GLIS3: variants seen among roughly 807,000 people sequenced by gnomAD.
GLIS3 encodes the protein GLIS family zinc finger 3, also known as zinc finger protein GLIS3.
A neutral mutation model predicts 78.6 loss-of-function variants in GLIS3; 53 were observed. That is an observed-to-expected ratio of 0.67 (90% CI 0.54 to 0.85). The LOEUF is 0.85. Ranked by LOEUF, GLIS3 falls within the 40% of genes least tolerant of loss-of-function variation. The pLI, the probability that GLIS3 is intolerant of heterozygous loss-of-function variation, is 0.00. For synonymous variants in GLIS3, 684 were observed against 509.9 expected (o/e 1.34, Z -4.60); for missense variants, 1,703 against 1,231.1 (o/e 1.38, Z -5.74).
At chr9:4,167,631 T>C (rs1815984215) in intron 2 of GLIS3, among the ~76,000 whole-genome samples, 1 of 152,172 alleles carries the variant, frequency 6.6e-6, no homozygotes, top group Admixed American at 6.5e-5. Flanking sequence ...ATTAGAAAGA[T>C]TAAAAAACTT....
chr9:4,025,978 G>A (rs1167231907), intron 4 of GLIS3, among the ~76,000 whole-genome samples: 2 of 152,134 alleles, frequency 1.3e-5, no homozygotes, highest in Non-Finnish European at 2.9e-5. Flanking sequence ...AATGCTACAG[G>A]TAATGTTTAA....
At chr9:3,860,612 G>C (rs1820150809) in intron 8 of GLIS3, among the ~76,000 whole-genome samples, 1 of 152,184 alleles carries the variant, frequency 6.6e-6, no homozygotes, top group South Asian at 2.1e-4. Context: ...GGCAGGAGAA[G>C]CAGATGGGCA....
At chr9:4,332,785 C>T (rs1388421463) in intron 2 of GLIS3, among the ~76,000 whole-genome samples, 1 of 152,088 alleles carries the variant, frequency 6.6e-6, no homozygotes, top group African/African-American at 2.4e-5. Flanking sequence ...CATAGGTGTT[C>T]CTCTACACAT....
chr9:4,469,850 T>A, the GLIS3 span, among the ~76,000 whole-genome samples: 1 of 152,016 alleles, frequency 6.6e-6, no homozygotes, highest in Non-Finnish European at 1.5e-5. Context: ...CTAGGAGCTG[T>A]TTTTTTGAGA....
intron 2 of GLIS3, among the ~76,000 whole-genome samples, chr9:4,257,670 T>C (rs1825103423): frequency 6.6e-6 from 1 of 151,754 alleles, no homozygotes; most frequent in Non-Finnish European, 1.5e-5. Context: ...GCCTCCCGGG[T>C]TCAGGCCATT....
At position 4,315,382 on chromosome 9, in the gene GLIS3, G is replaced by A. The variant is rs191237607; in HGVS notation, n.265-4854C>T. 3.3e-5 allele frequency among the ~76,000 whole-genome samples: 5 copies of A among 152,182 alleles called. No homozygotes were observed. In the East Asian group the frequency reaches 9.7e-4, roughly 29 times the overall value. On this transcript the variant is annotated intron_variant and non_coding_transcript_variant, in intron 2 of 4. Transcript: ENST00000471664. ...CCTTATTGTTAGTATTTCAAGGCCT[G>A]CTCACTCAGTCCATGTTCTAAAACT...
Position 4,239,282 on chromosome 9 carries a change from C to G in GLIS3, c.388+46756G>C, listed in dbSNP as rs374370151. On this transcript the variant is annotated intron_variant, in intron 2 of 10. Transcript: ENST00000381971. Reference sequence around the variant, plus strand: ...TGTATACATATGTAACAAACCTGCACGTTGTGCACATGTACCCTAAAACTT... The same window carrying G: ...TGTATACATATGTAACAAACCTGCAGGTTGTGCACATGTACCCTAAAACTT... Among the ~76,000 whole-genome samples the G allele has an allele frequency of 1.0e-3, 155 of 150,522 alleles. 1 individual carries two copies. Among genetic ancestry groups the G allele is most frequent in the Non-Finnish European group, 1.3e-3 (91 of 67,752 alleles).
intron 4 of GLIS3, among the ~76,000 whole-genome samples, chr9:3,942,648 G>C (rs1407575049): frequency 1.3e-5 from 2 of 152,216 alleles, no homozygotes; most frequent in Admixed American, 1.3e-4. Context: ...AGTTCTGGAA[G>C]CTTCTTTCTA....
chr9:4,320,121 T>G (rs1817502128), intron 2 of GLIS3, among the ~76,000 whole-genome samples: 1 of 152,158 alleles, frequency 6.6e-6, no homozygotes, highest in Non-Finnish European at 1.5e-5. Context: ...AACATTTGAC[T>G]TCCCAATGGG....
intron 2 of GLIS3, among the ~76,000 whole-genome samples, chr9:4,156,121 G>C (rs1037682393): frequency 6.6e-5 from 10 of 151,934 alleles, no homozygotes; most frequent in African/African-American, 2.2e-4. Context: ...CTCTTGTGTG[G>C]CCATTCCTCT....
chr9:3,969,058 T>A (rs542630077), intron 4 of GLIS3, among the ~76,000 whole-genome samples: 1 of 152,360 alleles, frequency 6.6e-6, no homozygotes, highest in African/African-American at 2.4e-5. Flanking sequence ...TGTCCGTGTT[T>A]GAGTCACAGA....
intron 4 of GLIS3, among the ~76,000 whole-genome samples, chr9:4,020,694 T>C (rs941954143): frequency 3.9e-5 from 6 of 152,204 alleles, no homozygotes; most frequent in Admixed American, 3.3e-4. Context: ...TGAGATGCAT[T>C]TTAGACTTCT....
Position 3,949,891 on chromosome 9 carries a change from C to T in GLIS3, c.1711-12702G>A, listed in dbSNP as rs186480191. ...CTGCGTCATATCAGAAGACACATGG[C>T]TATGGATTGTTCCGTTGTTAAACTT... is the stretch of plus-strand genomic sequence containing the variant. On this transcript the variant is annotated intron_variant, in intron 4 of 10. Transcript: ENST00000381971. Among the ~76,000 whole-genome samples the T allele has an allele frequency of 8.5e-5, 13 of 152,328 alleles. No individual in the cohort carries two copies. In the East Asian group the frequency reaches 2.3e-3, roughly 27 times the overall value.
intron 4 of GLIS3, among the ~76,000 whole-genome samples, chr9:4,020,130 G>T (rs1331540919): frequency 6.6e-6 from 1 of 152,118 alleles, no homozygotes; most frequent in African/African-American, 2.4e-5. Context: ...AGGTGAGAGA[G>T]TCAGAAAGTG....
chr9:3,921,164 T>C (rs1824864193), intron 6 of GLIS3, among the ~76,000 whole-genome samples: 1 of 152,236 alleles, frequency 6.6e-6, no homozygotes, highest in Admixed American at 6.5e-5. Flanking sequence ...CTGCCTGCGA[T>C]GTGTATCTCG....
chr9:4,206,646 C>CA (rs1241515215), intron 2 of GLIS3, among the ~76,000 whole-genome samples: 3 of 152,218 alleles, frequency 2.0e-5, no homozygotes, highest in Non-Finnish European at 2.9e-5. Flanking sequence ...CTAGGCCTCA[C>CA]ACCTTAAATT....
chr9:4,183,773 C>T (rs1295224773), intron 2 of GLIS3, among the ~76,000 whole-genome samples: 1 of 152,178 alleles, frequency 6.6e-6, no homozygotes, highest in Non-Finnish European at 1.5e-5. Context: ...CTTTCTATTT[C>T]TTACTGCCTG....
At chr9:4,408,857 G>T in the GLIS3 span, among the ~76,000 whole-genome samples, 200 of 151,430 alleles carry the variant, frequency 1.3e-3, no homozygotes, top group Non-Finnish European at 2.3e-3. Flanking sequence ...TGGATTGTTT[G>T]TAACATGGGA....
At chr9:4,107,126 C>T (rs1830817535) in intron 4 of GLIS3, among the ~76,000 whole-genome samples, 1 of 152,080 alleles carries the variant, frequency 6.6e-6, no homozygotes, top group Non-Finnish European at 1.5e-5. Flanking sequence ...TTGATGAGAC[C>T]AGGTCGCCAC....
Sources: allele counts gnomAD v4.1 joint callset (sites outside exome capture counted in the v4.1 genomes callset), GRCh38; gene constraint gnomAD v4.1.1; transcripts MANE v1.5; gene names NCBI Gene and HGNC (gene_info 2026-07-23, HGNC 2026-07-21).